MACROD2: variants seen among roughly 807,000 people sequenced by gnomAD.
MACROD2 encodes mono-ADP ribosylhydrolase 2, also known as ADP-ribose glycohydrolase MACROD2.
Under a neutral mutation model 70.4 loss-of-function variants are expected in MACROD2, and 36 were observed. The ratio of observed to expected loss-of-function variants is 0.51; its 90% CI spans 0.39 to 0.68. The LOEUF (loss-of-function observed/expected upper bound fraction) is 0.68, where lower values mean the gene tolerates loss of function less well. Ranked by LOEUF, MACROD2 falls within the 30% of genes least tolerant of loss-of-function variation. The probability of loss-of-function intolerance (pLI) is 0.00; values close to 1 mark genes in which losing one functional copy is unlikely to be tolerated. For missense variants in MACROD2, 496 were observed against 538.4 expected, an observed-to-expected ratio of 0.92 and a Z score of 0.78; for synonymous variants, 172 against 178.8, an observed-to-expected ratio of 0.96 and a Z score of 0.30.
intron 5 of MACROD2, among the ~76,000 whole-genome samples, chr20:14,834,036 A>G (rs1483730804): frequency 6.6e-6 from 1 of 152,088 alleles, no homozygotes; most frequent in Non-Finnish European, 1.5e-5. Context: ...AAAGATACCC[A>G]TCAAGCTGTA....
intron 10 of MACROD2, among the ~76,000 whole-genome samples, chr20:15,921,834 G>A (rs1470357300): frequency 1.3e-5 from 2 of 152,198 alleles, no homozygotes; most frequent in Non-Finnish European, 2.9e-5. Context: ...AGAAGGGGAG[G>A]AAACAAAAAC....
intron 8 of MACROD2, among the ~76,000 whole-genome samples, chr20:15,533,694 A>G (rs2047836522): frequency 6.6e-6 from 1 of 152,158 alleles, no homozygotes; most frequent in South Asian, 2.1e-4. Flanking sequence ...CTGATGTTGT[A>G]TCATAGGCAC....
intron 8 of MACROD2, among the ~76,000 whole-genome samples, chr20:15,755,728 A>C (rs2051338463): frequency 6.6e-6 from 1 of 152,184 alleles, no homozygotes; most frequent in South Asian, 2.1e-4. Flanking sequence ...GTGCCTGAAA[A>C]CATGTGCACT....
intron 5 of MACROD2, among the ~76,000 whole-genome samples, chr20:14,900,938 C>T (rs766176732): frequency 1.5e-4 from 23 of 151,908 alleles, no homozygotes; most frequent in Non-Finnish European, 3.2e-4. Flanking sequence ...TTCTATTTCC[C>T]TTCAGCAAAG....
At chr20:14,714,734 A>C (rs966457171) in intron 5 of MACROD2, among the ~76,000 whole-genome samples, 1 of 152,052 alleles carries the variant, frequency 6.6e-6, no homozygotes, top group Non-Finnish European at 1.5e-5. Context: ...TATCCTTCAC[A>C]TCAACACACT....
chr20:15,259,296 G>A (rs2077227567), intron 6 of MACROD2, among the ~76,000 whole-genome samples: 1 of 152,012 alleles, frequency 6.6e-6, no homozygotes, highest in Non-Finnish European at 1.5e-5. Flanking sequence ...AAGGAGAGAA[G>A]ACACCTGAGA....
chr20:14,421,069 T>C (rs1027094621), intron 3 of MACROD2, among the ~76,000 whole-genome samples: 4 of 152,222 alleles, frequency 2.6e-5, no homozygotes, highest in Non-Finnish European at 5.9e-5. Context: ...AAAACACGCT[T>C]GGTAATGGTG....
At chr20:15,596,372 G>A (rs1350662971) in intron 8 of MACROD2, among the ~76,000 whole-genome samples, 1 of 152,054 alleles carries the variant, frequency 6.6e-6, no homozygotes, top group South Asian at 2.1e-4. Flanking sequence ...GAACAATGAG[G>A]GAATGAAGTA....
chr20:14,281,828 A>G (rs905864209), intron 3 of MACROD2, among the ~76,000 whole-genome samples: 6 of 150,388 alleles, frequency 4.0e-5, no homozygotes, highest in African/African-American at 1.5e-4. Context: ...CCAGCTACTC[A>G]GGAGGCTGAG....
At chr20:14,989,156 C>T (rs1410374181) in intron 5 of MACROD2, among the ~76,000 whole-genome samples, 1 of 151,684 alleles carries the variant, frequency 6.6e-6, no homozygotes, top group Non-Finnish European at 1.5e-5. Context: ...GGAAACAATC[C>T]CAATTATTTC....
chr20:15,171,391 GTC>G (rs1460663132), intron 5 of MACROD2, among the ~76,000 whole-genome samples: 2 of 145,176 alleles, frequency 1.4e-5, no homozygotes, highest in African/African-American at 2.6e-5. Flanking sequence ...TTCTCCTTGT[GTC>G]TCTCTTTCTC....
chr20:15,021,621 T>G (rs936456436), intron 5 of MACROD2: 4 of 151,862 alleles, frequency 2.6e-5, no homozygotes, highest in African/African-American at 7.3e-5. Flanking sequence ...ATTCTCTGTA[T>G]CATTCCAATT....
chr20:14,553,943 G>T lies in MACROD2; in HGVS notation c.301+60435G>T, dbSNP rs146720954. Reference sequence around the variant, plus strand: ...AGAGTTTAAGTTACTATTCAGTGTTGAAATTCCTGGCCCTCAATGGCATTA... The same window carrying T: ...AGAGTTTAAGTTACTATTCAGTGTTTAAATTCCTGGCCCTCAATGGCATTA... On this transcript the variant is annotated intron_variant, in intron 4 of 17. Coordinates refer to ENST00000684519, the MANE Select transcript of MACROD2 (RefSeq NM_001351661.2). 1.1e-3 allele frequency among the ~76,000 whole-genome samples: 173 copies of T among 152,220 alleles called. 2 individuals carry two copies. Among genetic ancestry groups the T allele is most frequent in the African/African-American group, 4.0e-3 (166 of 41,542 alleles).
chr20:15,851,668 CT>C (rs2147147798), intron 8 of MACROD2, among the ~76,000 whole-genome samples: 1 of 152,306 alleles, frequency 6.6e-6, no homozygotes, highest in African/African-American at 2.4e-5. Context: ...AGGAGACACA[CT>C]TTGGCCCAGA....
At chr20:16,031,266 C>T (rs559952427) in intron 15 of MACROD2, among the ~76,000 whole-genome samples, 89 of 152,146 alleles carry the variant, frequency 5.8e-4, no homozygotes, top group South Asian at 2.7e-3. Context: ...TAATTTCACT[C>T]GTAATGTAAA....
At chr20:15,823,275 CGTGTGTGTGTGTGTGT>C (rs11471023) in intron 8 of MACROD2, among the ~76,000 whole-genome samples, 8 of 128,740 alleles carry the variant, frequency 6.2e-5, no homozygotes, top group East Asian at 2.2e-4. Flanking sequence ...GTGAGCTCTT[CGTGTGTGTGTGTGTGT>C]GTGTGTGTGT....
chr20:14,193,689 A>AAC (rs1242990687), intron 3 of MACROD2, among the ~76,000 whole-genome samples: 1 of 152,162 alleles, frequency 6.6e-6, no homozygotes, highest in Non-Finnish European at 1.5e-5. Flanking sequence ...TCAGAGATGA[A>AAC]ACATTGATTG....
intron 2 of MACROD2, among the ~76,000 whole-genome samples, chr20:14,081,335 C>T (rs1334156378): frequency 2.6e-5 from 4 of 152,196 alleles, no homozygotes; most frequent in Admixed American, 6.5e-5. Context: ...GAAATGATCC[C>T]AGTTCTATAC....
intron 5 of MACROD2, among the ~76,000 whole-genome samples, chr20:14,715,060 G>A (rs1354561501): frequency 1.3e-5 from 2 of 152,126 alleles, no homozygotes; most frequent in African/African-American, 4.8e-5. Context: ...AATTTATAAA[G>A]GAAAGAGGTT....
Sources: allele counts gnomAD v4.1 joint callset (sites outside exome capture counted in the v4.1 genomes callset), GRCh38; gene constraint gnomAD v4.1.1; transcripts MANE v1.5; gene names NCBI Gene and HGNC (gene_info 2026-07-23, HGNC 2026-07-21).